The following LCORL variants were observed in gnomAD, a reference collection of about 807,000 sequenced individuals.
LCORL encodes ligand-dependent nuclear receptor corepressor-like protein.
LCORL carries 41 observed loss-of-function variants against 141.8 expected under a neutral mutation model. The ratio of observed to expected loss-of-function variants is 0.29; its 90% confidence interval spans 0.23 to 0.38. The LOEUF is 0.38. Ranked by LOEUF, LCORL falls within the 10% of genes least tolerant of loss-of-function variation. The probability of loss-of-function intolerance (pLI) is 1.00; values close to 1 mark genes in which losing one functional copy is unlikely to be tolerated. For synonymous variants in LCORL, 618 were observed against 694.1 expected, an observed-to-expected ratio of 0.89 and a Z score of 1.72; for missense variants, 1,759 against 2,035.0, an observed-to-expected ratio of 0.86 and a Z score of 2.61.
chr4:17,857,435 A>G (rs1425499427), intron 7 of LCORL, among the ~76,000 whole-genome samples: 1 of 152,154 alleles, frequency 6.6e-6, no homozygotes, highest in African/African-American at 2.4e-5. Context: ...GATATAATTG[A>G]CCTTCTGACA....
At chr4:17,943,664 T>C (rs899885471) in intron 4 of LCORL, among the ~76,000 whole-genome samples, 13 of 152,300 alleles carry the variant, frequency 8.5e-5, no homozygotes, top group Middle Eastern at 3.4e-3. Context: ...TAAGTGGACA[T>C]GGGCTTCCTG....
chr4:17,921,277 C>G (rs1734262636), intron 4 of LCORL, among the ~76,000 whole-genome samples: 2 of 152,102 alleles, frequency 1.3e-5, no homozygotes, highest in African/African-American at 4.8e-5. Context: ...CTGCCCCCAC[C>G]TTGGCCTCCC....
At chr4:17,873,024 T>G (rs1259705633) in intron 7 of LCORL, among the ~76,000 whole-genome samples, 1 of 152,150 alleles carries the variant, frequency 6.6e-6, no homozygotes, top group African/African-American at 2.4e-5. Context: ...TGGTACTTAA[T>G]TTTTAGTTAG....
chr4:17,850,651 G>A (rs1464252002), intron 7 of LCORL, among the ~76,000 whole-genome samples: 2 of 151,448 alleles, frequency 1.3e-5, no homozygotes, highest in Non-Finnish European at 3.0e-5. Flanking sequence ...AGGATGTGGA[G>A]AAATAGGAAC....
chr4:17,985,030 G>A (rs900646309), intron 1 of LCORL, among the ~76,000 whole-genome samples: 17 of 151,846 alleles, frequency 1.1e-4, no homozygotes, highest in Admixed American at 3.3e-4. Context: ...GATAAACAAC[G>A]TGCTATTCAA....
chr4:17,977,354 C>T (rs1412279814), intron 1 of LCORL, among the ~76,000 whole-genome samples: 1 of 152,128 alleles, frequency 6.6e-6, no homozygotes, highest in Non-Finnish European at 1.5e-5. Context: ...TACATTTCTG[C>T]CATCTGCCAT....
intron 7 of LCORL, among the ~76,000 whole-genome samples, chr4:17,864,377 A>G (rs917651102): frequency 2.6e-5 from 4 of 152,096 alleles, no homozygotes; most frequent in African/African-American, 7.2e-5. Context: ...GGCACGTGCC[A>G]CTACATCTGG....
chr4:17,993,950 A>G (rs1720479025), intron 1 of LCORL, among the ~76,000 whole-genome samples: 1 of 152,202 alleles, frequency 6.6e-6, no homozygotes. Flanking sequence ...GAGAGAAGTT[A>G]AAAAGTTCTG....
At chr4:17,906,265 G>C (rs1731596477) in intron 5 of LCORL, among the ~76,000 whole-genome samples, 1 of 152,108 alleles carries the variant, frequency 6.6e-6, no homozygotes, top group Non-Finnish European at 1.5e-5. Flanking sequence ...ATGGCAGAAT[G>C]CTTTCATAAA....
intron 1 of LCORL, among the ~76,000 whole-genome samples, chr4:18,012,881 A>T (rs759265584): frequency 2.6e-5 from 4 of 152,210 alleles, no homozygotes; most frequent in Non-Finnish European, 4.4e-5. Flanking sequence ...CGCCCATCTA[A>T]AAAACAAATA....
At chr4:17,844,578 CAGTT>C (rs1722740902) in exon 8 of LCORL, 1 of 152,306 alleles carries the variant, frequency 6.6e-6, no homozygotes, top group African/African-American at 2.4e-5. Flanking sequence ...GATAGAAAGT[CAGTT>C]AAAAATAGAT....
Position 18,010,441 on chromosome 4 carries a change from T to A in LCORL, c.154+11157A>T, listed in dbSNP as rs972092622. On this transcript the variant is annotated intron_variant, in intron 1 of 7. Transcript: ENST00000635767. The stretch of plus-strand genomic sequence containing the variant: ...ATATATATGTATGTATGTATATATG[T>A]ATGTATGTGTGTATATATATATATT... Among the ~76,000 whole-genome samples, 6 of 152,162 alleles carry A rather than the reference T, an allele frequency of 3.9e-5. No individual in the cohort carries two copies. The South Asian group carries it at 1.2e-3, about 32-fold the overall frequency.
chr4:17,897,250 T>TTTTTTTTTTTC, intron 5 of LCORL, among the ~76,000 whole-genome samples: 1 of 129,434 alleles, frequency 7.7e-6, no homozygotes. Context: ...TTTTTTTTTT[T>TTTTTTTTTTTC]TAGGGTATAT....
Position 17,869,807 on chromosome 4 carries a change from T to C in LCORL, c.5602+3581A>G, listed in dbSNP as rs566833723. Among the ~76,000 whole-genome samples the C allele has an allele frequency of 5.3e-5, 8 of 152,316 alleles. No individual in the cohort carries two copies. In the East Asian group the frequency reaches 9.6e-4, roughly 18 times the overall value. ...TAACATCCTTTCTTGGATATCCCACTGAACACCTCAAATTTCTCACATCTA... is the reference window on the plus strand; with the variant it reads ...TAACATCCTTTCTTGGATATCCCACCGAACACCTCAAATTTCTCACATCTA... On this transcript the variant is annotated intron_variant, in intron 7 of 7. Coordinates refer to ENST00000635767, the Ensembl canonical transcript of LCORL.
chr4:17,940,459 A>ATGTAATATATATG (rs1737756257), intron 4 of LCORL, among the ~76,000 whole-genome samples: 1 of 144,870 alleles, frequency 6.9e-6, no homozygotes, highest in African/African-American at 2.6e-5. Flanking sequence ...TATGTAATAT[A>ATGTAATATATATG]TATTATGTAA....
At chr4:17,965,905 T>C (rs1265431551) in intron 2 of LCORL, among the ~76,000 whole-genome samples, 4 of 152,102 alleles carry the variant, frequency 2.6e-5, no homozygotes, top group East Asian at 1.9e-4. Flanking sequence ...CTTTAATCCA[T>C]AGGCTGTAAA....
chr4:17,898,378 C>G (rs1730318914), intron 5 of LCORL, among the ~76,000 whole-genome samples: 1 of 152,054 alleles, frequency 6.6e-6, no homozygotes, highest in Non-Finnish European at 1.5e-5. Flanking sequence ...TTTGGGATTG[C>G]TCTACTTTAA....
At chr4:17,969,577 T>C (rs1715552304) in intron 2 of LCORL, among the ~76,000 whole-genome samples, 1 of 152,128 alleles carries the variant, frequency 6.6e-6, no homozygotes, top group African/African-American at 2.4e-5. Flanking sequence ...AACTTAAATG[T>C]ATATAATACG....
chr4:17,860,695 C>T lies in LCORL; in HGVS notation c.5602+12693G>A, dbSNP rs145087631. On this transcript the variant is annotated intron_variant, in intron 7 of 7. Coordinates refer to ENST00000635767, the Ensembl canonical transcript of LCORL. Reference sequence around the variant, plus strand: ...GTCCAAAGTCTCATCTGAGACAAGGCAAGTCACTTCTGCCTATGAGCCTGT... The same window carrying T: ...GTCCAAAGTCTCATCTGAGACAAGGTAAGTCACTTCTGCCTATGAGCCTGT... Among the ~76,000 whole-genome samples, 1,263 of 152,306 alleles carry T rather than the reference C, an allele frequency of 8.3e-3. 51 individuals are homozygous for T. The East Asian group carries it at 0.13, about 15-fold the overall frequency.
Sources: gnomAD v4.1 joint callset for allele counts (sites outside exome capture counted in the v4.1 genomes callset) on GRCh38, gnomAD v4.1.1 for gene constraint, MANE v1.5 for transcripts, NCBI Gene and HGNC (gene_info 2026-07-23, HGNC 2026-07-21) for gene names.